REXO4: variants seen among roughly 807,000 people sequenced by gnomAD.
REXO4 encodes the protein RNA exonuclease 4, also known as REX4 homolog, 3'-5' exonuclease.
REXO4 carries 29 observed loss-of-function variants against 39.9 expected under a neutral mutation model. The observed-to-expected ratio is 0.73, with a 90% confidence interval of 0.54 to 0.99. REXO4 has a LOEUF of 0.99. Among genes scored for constraint, REXO4 ranks in the 50% least tolerant of loss-of-function variants. REXO4 has a pLI of 0.00. For synonymous variants in REXO4, 184 were observed against 206.2 expected, an observed-to-expected ratio of 0.89 and a Z score of 0.92; for missense variants, 524 against 546.5, an observed-to-expected ratio of 0.96 and a Z score of 0.41.
At chr9:133,411,095 G>C (rs150153251) in intron 4 of REXO4, 22 bp from the exon 5 acceptor site, 2 of 1,602,986 alleles carry the variant, frequency 1.2e-6, no homozygotes, top group Non-Finnish European at 1.7e-6. Context: ...ACACAAAGAA[G>C]CGGTTTTTTG....
rs1839307911 is a variant in REXO4, at chr9:133,412,912, G to C, written c.582C>G (p.Ile194Met). The change falls in exon 3 of 8, where the codon ATC becomes ATG. Residue 194 changes from isoleucine to methionine, a missense_variant. Ile to Met is a conservative substitution (Grantham distance 10). Transcript: ENST00000371942. ...AAPAPPTEEDIWFDDVDPADI... is the reference protein window; with the variant it reads ...AAPAPPTEEDMWFDDVDPADI... ...CCGCTGGGTCCACGTCGTCAAACCA[G>C]ATGTCTTCCCTAAAAGGCAAAGATA... is the stretch of plus-strand genomic sequence containing the variant. 1 of 1,613,772 alleles carries C rather than the reference G, an allele frequency of 6.2e-7. No homozygotes were observed. The highest frequency in any genetic ancestry group is 1.7e-5 in the Admixed American group (1 of 59,990).
Position 133,411,000 on chromosome 9 carries a change from C to T in REXO4, c.984G>A (p.Leu328=). The T allele has an allele frequency of 6.2e-7, 1 of 1,614,058 alleles. No homozygotes were observed. Among genetic ancestry groups the T allele is most frequent in the Non-Finnish European group, 8.5e-7 (1 of 1,179,894 alleles). The change falls in exon 5 of 8, where the codon CTG becomes CTA. Residue 328 remains leucine (L), a synonymous_variant. Coordinates refer to ENST00000371942, the MANE Select transcript of REXO4 (RefSeq NM_020385.4). ...LKGRILVGHA[L]HNDLKVLFLD... ...AGCCCAGTACCTTTAGGTCATTATG[C>T]AGAGCGTGCCCCACTAGAATTCTGC...
rs373201042 is a variant in REXO4 at position 133,407,789 on chromosome 9, C to A, written c.1149+18G>T. The A allele has an allele frequency of 6.2e-5, 100 of 1,610,712 alleles. 2 individuals are homozygous for A. The South Asian group carries it at 9.8e-4, about 16-fold the overall frequency. ...AACCGCCCCAAACCCCATGAACTAC[C>A]CCACAGGACACACTTACTGAACAGT... On this transcript the variant is annotated intron_variant, in intron 7 of 7. Coordinates refer to ENST00000371942, the MANE Select transcript of REXO4 (RefSeq NM_020385.4).
At chr9:133,412,514 T>C in intron 3 of REXO4, 22 bp from the exon 4 acceptor site, 1 of 1,612,552 alleles carries the variant, frequency 6.2e-7, no homozygotes, top group Non-Finnish European at 8.5e-7. Context: ...CCAAAGGCTG[T>C]AGTTTAATAA....
At position 133,412,485 on chromosome 9, in the gene REXO4, T is replaced by C. The variant is rs374473489; in HGVS notation, c.724A>G (p.Arg242Gly). The C allele has an allele frequency of 6.8e-6, 11 of 1,613,808 alleles. No homozygotes were observed. The African/African-American group carries it at 1.3e-4, about 20-fold the overall frequency. The change falls in exon 4 of 8, where the codon AGA becomes GGA. Residue 242 changes from arginine to glycine, a missense_variant. Transcript: ENST00000371942. ...ATCTCACAGTCCAAGGCTAAGGCTC[T>C]TGTCAGGCTGAAGGGTAACCAAAGG... ...VKEQAFGGLT[R>G]ALALDCEMVG...
chr9:133,414,710 T>C lies in REXO4; in HGVS notation c.527A>G (p.His176Arg), dbSNP rs200846181. ...TGCCTCCTTAGCTTTCCGCTTCTTA[T>C]GCTCGATGTCCCCTCGTTCTGGAAC... ...DIVPERGDIE[H>R]KKRKAKEAAP... Residue 176 changes from histidine to arginine, a missense_variant, in exon 2 of 8, where the codon CAT becomes CGT. By Grantham distance (29) the His-to-Arg change is conservative. Coordinates refer to ENST00000371942, the MANE Select transcript of REXO4 (RefSeq NM_020385.4). 1.2e-6 allele frequency: 2 copies of C among 1,614,026 alleles called. No homozygotes were observed. Among genetic ancestry groups the C allele is most frequent in the East Asian group, 2.2e-5 (1 of 44,892 alleles).
rs782359666 is a variant in REXO4, at chr9:133,406,583, C to G, written c.*370G>C. The G allele has an allele frequency of 1.1e-5, 3 of 270,596 alleles. No individual in the cohort carries two copies. Among genetic ancestry groups the G allele is most frequent in the African/African-American group, 2.2e-5 (1 of 46,440 alleles). 16.8% of individuals were successfully genotyped at this position (270,596 alleles called of 1,614,324 possible). On this transcript the variant is annotated 3_prime_UTR_variant, in exon 8 of 8. Coordinates refer to ENST00000371942, the MANE Select transcript of REXO4 (RefSeq NM_020385.4). Reference sequence around the variant, plus strand: ...AATGTGGCTCCTCGAGAGGAAGGTGCTGAGCACCTCACCCCAGGGTGTCAC... The same window carrying G: ...AATGTGGCTCCTCGAGAGGAAGGTGGTGAGCACCTCACCCCAGGGTGTCAC...
At chr9:133,413,029 C>G in intron 2 of REXO4, 108 bp from the exon 3 acceptor site, 1 of 1,240,352 alleles carries the variant, frequency 8.1e-7, no homozygotes, top group Non-Finnish European at 1.1e-6. Context: ...CACAGCCTGC[C>G]TCTCCCACAG....
chr9:133,411,570 C>T (rs587603206), intron 4 of REXO4, among the ~76,000 whole-genome samples: 5 of 152,330 alleles, frequency 3.3e-5, no homozygotes, highest in South Asian at 2.1e-4. Flanking sequence ...TTGTACCCCC[C>T]GAACAGGGGT....
At position 133,408,822 on chromosome 9, in the gene REXO4, T is replaced by C; in HGVS notation, c.1020A>G (p.Pro340=). ...TCTGTGTGTCCCGAATCTTCTTTTT[T>C]GGATGATCAAGAAATAGTACCTAGA... The part of the protein sequence containing the change: ...NDLKVLFLDH[P]KKKIRDTQKY... Residue 340 remains proline, a synonymous_variant, in exon 6 of 8, where the codon CCA becomes CCG. Coordinates refer to ENST00000371942, the MANE Select transcript of REXO4 (RefSeq NM_020385.4). The C allele has an allele frequency of 3.1e-6, 5 of 1,598,396 alleles. No individual in the cohort carries two copies. Among genetic ancestry groups the C allele is most frequent in the Non-Finnish European group, 4.3e-6 (5 of 1,167,072 alleles).
chr9:133,412,131 GC>G (rs1554780238), intron 4 of REXO4, among the ~76,000 whole-genome samples, 167 bp downstream of exon 4: 1 of 151,948 alleles, frequency 6.6e-6, no homozygotes, highest in African/African-American at 2.4e-5. Context: ...TGGGTGTAAA[GC>G]CGTCTAAGGA....
rs1434155462 is a variant in REXO4, at chr9:133,414,674, G to A, written c.563C>T (p.Pro188Leu). The A allele has an allele frequency of 1.2e-6, 2 of 1,613,536 alleles. No individual in the cohort carries two copies. Among genetic ancestry groups the A allele is most frequent in the African/African-American group, 1.3e-5 (1 of 74,898 alleles). ...GGTGGCCCATACTTACTCGGTGGGTGGGGCTGGGGCTGCCTCCTTAGCTTT... is the reference window on the plus strand; with the variant it reads ...GGTGGCCCATACTTACTCGGTGGGTAGGGCTGGGGCTGCCTCCTTAGCTTT... ...KRKAKEAAPA[P>L]PTEEDIWFDD... Residue 188 changes from proline (P) to leucine (L), a missense_variant, in exon 2 of 8, where the codon CCA becomes CTA. Coordinates refer to ENST00000371942, the MANE Select transcript of REXO4 (RefSeq NM_020385.4).
At chr9:133,412,207 T>C (rs1839247887) in intron 4 of REXO4, 92 bp downstream of exon 4, 5 of 1,317,196 alleles carry the variant, frequency 3.8e-6, no homozygotes, top group Middle Eastern at 2.7e-4. Context: ...CCAGCTGCAG[T>C]GAGTGGTCTC....
chr9:133,417,403 C>CT (rs1839709458), intron 1 of REXO4, among the ~76,000 whole-genome samples: 1 of 152,252 alleles, frequency 6.6e-6, no homozygotes, highest in Non-Finnish European at 1.5e-5. Context: ...TTTATCTTTG[C>CT]TTTTTTGTAC....
At chr9:133,407,760 G>A in intron 7 of REXO4, 47 bp downstream of exon 7, 1 of 1,530,168 alleles carries the variant, frequency 6.5e-7, no homozygotes, top group Non-Finnish European at 9.0e-7. Context: ...GGTTCCAGGT[G>A]GGAAACCGCC....
intron 4 of REXO4, 29 bp downstream of exon 4, chr9:133,412,270 T>C: frequency 6.2e-7 from 1 of 1,606,674 alleles, no homozygotes. Context: ...TACTTTCCCT[T>C]CTAAGTTCCT....
intron 2 of REXO4, 180 bp downstream of exon 2, chr9:133,414,485 C>A: frequency 1.4e-6 from 1 of 716,798 alleles, no homozygotes; most frequent in South Asian, 1.5e-5. Context: ...AGAAGCAGGC[C>A]CTGCCTTATC....
chr9:133,417,924 G>C lies in REXO4; in HGVS notation c.-80C>G. ...GGCCCGGCGCCCTGGCAGCACAAGC[G>C]CCTGCCCAGGCCAGGCCGAAACACA... On this transcript the variant is annotated 5_prime_UTR_variant, in exon 1 of 8. Transcript: ENST00000371942. 7.4e-7 allele frequency: 1 copy of C among 1,352,596 alleles called. No homozygotes were observed. Among genetic ancestry groups the C allele is most frequent in the South Asian group, 1.4e-5 (1 of 72,370 alleles). 83.8% of individuals were successfully genotyped at this position (1,352,596 alleles called of 1,614,324 possible).
At position 133,414,869 on chromosome 9, in the gene REXO4, T is replaced by C. The variant is rs1839474989; in HGVS notation, c.368A>G (p.Lys123Arg). ...AGAGCCCCTGCTGGCCTCCTGGTCT[T>C]TTCCTGCCGGCATCTCCTCTCCCTT... The part of the protein sequence containing the change: ...QVKGEEMPAG[K>R]DQEASRGSVP... Residue 123 changes from lysine to arginine, a missense_variant, in exon 2 of 8, where the codon AAA (lysine) becomes AGA (arginine). Lys to Arg is a conservative substitution (Grantham distance 26). Coordinates refer to ENST00000371942, the MANE Select transcript of REXO4 (RefSeq NM_020385.4). 1.9e-6 allele frequency: 3 copies of C among 1,614,050 alleles called. No individual in the cohort carries two copies. Among genetic ancestry groups the C allele is most frequent in the East Asian group, 2.2e-5 (1 of 44,898 alleles).
Sources: allele counts gnomAD v4.1 joint callset (sites outside exome capture counted in the v4.1 genomes callset), GRCh38; gene constraint gnomAD v4.1.1; transcripts MANE v1.5; gene names NCBI Gene and HGNC (gene_info 2026-07-23, HGNC 2026-07-21).